ADGRA2: variants seen among roughly 807,000 people sequenced by gnomAD.
ADGRA2 encodes G-protein coupled receptor 124.
ADGRA2 carries 61 observed loss-of-function variants against 98.7 expected under a neutral mutation model. The ratio of observed to expected loss-of-function variants is 0.62; its 90% CI spans 0.50 to 0.76. The LOEUF is 0.76. ADGRA2 is among the 30% of genes least tolerant of loss of function. ADGRA2 has a pLI of 0.00. For missense variants in ADGRA2, 1,712 were observed against 1,860.0 expected (o/e 0.92, Z 1.46); for synonymous variants, 858 against 831.5 (o/e 1.03, Z -0.55).
Position 37,844,304 on chromosome 8 carries a change from CTA to C in ADGRA2, c.*1952_*1953del. Reference sequence around the variant, plus strand: ...ACCAAGGGATGGGAATCTCTCCTACCTATAGTCATCCCTGCACTCCTGACTTT... The same window carrying C: ...ACCAAGGGATGGGAATCTCTCCTACCTAGTCATCCCTGCACTCCTGACTTT... On this transcript the variant is annotated 3_prime_UTR_variant, in exon 19 of 19. Transcript: ENST00000412232. The C allele has an allele frequency of 1.5e-6, 1 of 673,898 alleles. No individual in the cohort carries two copies. The highest frequency in any genetic ancestry group is 2.5e-6 in the Non-Finnish European group (1 of 393,828). The allele number at this position is 673,898 out of a possible 1,614,324, so 41.7% of individuals were successfully genotyped here.
At chr8:37,811,178 T>G (rs892197637) in intron 1 of ADGRA2, among the ~76,000 whole-genome samples, 25 of 147,758 alleles carry the variant, frequency 1.7e-4, no homozygotes, top group Non-Finnish European at 1.8e-4. Flanking sequence ...GTTTTTTTTT[T>G]TTTTTTTTGA....
Position 37,833,690 on chromosome 8 carries a change from G to GC in ADGRA2, c.1302dup (p.Ile435HisfsTer22). The GC allele has an allele frequency of 6.2e-7, 1 of 1,614,018 alleles. No individual in the cohort carries two copies. ...CTCTCTCTTCCCCCAATCCCCAGAT[G>GC]CCCATCAATGCCTCCAATGCGCTGA... is the stretch of plus-strand genomic sequence containing the variant. On this transcript the variant is annotated frameshift_variant, in exon 10 of 19. Coordinates refer to ENST00000412232, the MANE Select transcript of ADGRA2 (RefSeq NM_032777.10). LOFTEE classifies it high-confidence loss of function.
intron 1 of ADGRA2, among the ~76,000 whole-genome samples, chr8:37,811,722 C>T (rs1320795206): frequency 2.0e-5 from 3 of 151,024 alleles, no homozygotes; most frequent in Non-Finnish European, 3.0e-5. Flanking sequence ...GTGATCTGCC[C>T]GCCTCAGCCT....
Position 37,830,994 on chromosome 8 carries a change from C to T in ADGRA2, c.932+71C>T, listed in dbSNP as rs111502620. 4.9e-5 allele frequency: 54 copies of T among 1,112,756 alleles called. No homozygotes were observed. The highest frequency in any genetic ancestry group is 1.5e-4 in the Admixed American group (7 of 47,800). 68.9% of individuals were successfully genotyped at this position (1,112,756 alleles called of 1,614,324 possible). A position where few individuals can be genotyped will look rare whatever the true frequency, so the allele number is the denominator to read the frequency against. On this transcript the variant is annotated intron_variant, in intron 7 of 18. Coordinates refer to ENST00000412232, the MANE Select transcript of ADGRA2 (RefSeq NM_032777.10). This position sits in a 1 kb window ranked among gnomAD's most constrained non-coding sequence, Gnocchi z 4.8. ...GGACCTACCCTACCCGTCACCACCC[C>T]GCAAAAGAGCTGCCCCCAGATGTGT...
At chr8:37,835,850 GC>G in intron 13 of ADGRA2, 80 bp downstream of exon 13, 1 of 861,652 alleles carries the variant, frequency 1.2e-6, no homozygotes, top group Non-Finnish European at 1.9e-6. Context: ...CCCTTCCCTG[GC>G]CCACAGCCCC....
At chr8:37,806,515 TTTTTC>T (rs1804666601) in intron 1 of ADGRA2, among the ~76,000 whole-genome samples, 1 of 133,762 alleles carries the variant, frequency 7.5e-6, no homozygotes, top group Admixed American at 7.2e-5. Context: ...TTCTTTTTCT[TTTTTC>T]TTTTTCTTTT....
At chr8:37,804,472 G>A (rs538032087) in intron 1 of ADGRA2, among the ~76,000 whole-genome samples, 2 of 152,306 alleles carry the variant, frequency 1.3e-5, no homozygotes, top group South Asian at 2.1e-4. Context: ...GAGTTTAAGC[G>A]GCCTGACCCC....
At chr8:37,815,501 T>C (rs1350867464) in intron 2 of ADGRA2, among the ~76,000 whole-genome samples, 1 of 152,206 alleles carries the variant, frequency 6.6e-6, no homozygotes, top group African/African-American at 2.4e-5. Context: ...GCCTTGGCCC[T>C]GAGGCTGCCA....
At chr8:37,825,169 C>T (rs964259367) in intron 2 of ADGRA2, among the ~76,000 whole-genome samples, 2 of 152,174 alleles carry the variant, frequency 1.3e-5, no homozygotes, top group Non-Finnish European at 2.9e-5. Flanking sequence ...GGAAGCATAT[C>T]TGCGCGTGCT....
Position 37,817,273 on chromosome 8 carries a change from G to A in ADGRA2, c.338+2306G>A, listed in dbSNP as rs139414387. Among the ~76,000 whole-genome samples the A allele has an allele frequency of 4.3e-3, 649 of 152,338 alleles. 11 individuals carry two copies. Among genetic ancestry groups the A allele is most frequent in the African/African-American group, 0.015 (609 of 41,578 alleles). On this transcript the variant is annotated intron_variant, in intron 2 of 18. Coordinates refer to ENST00000412232, the MANE Select transcript of ADGRA2 (RefSeq NM_032777.10). ...CAGGCTGTCTACCAATCTGGGACAAGCTGGAGTAGCAGGGCGACCCGGGAT... is the reference window on the plus strand; with the variant it reads ...CAGGCTGTCTACCAATCTGGGACAAACTGGAGTAGCAGGGCGACCCGGGAT...
rs1481106865 is a variant in ADGRA2 at position 37,842,582 on chromosome 8, C to G, written c.*227C>G. 2.8e-6 allele frequency: 2 copies of G among 704,580 alleles called. No individual in the cohort carries two copies. Among genetic ancestry groups the G allele is most frequent in the African/African-American group, 1.9e-5 (1 of 53,752 alleles). The allele number at this position is 704,580 out of a possible 1,614,324, so 43.6% of individuals were successfully genotyped here. A position where few individuals can be genotyped will look rare whatever the true frequency, so the allele number is the denominator to read the frequency against. On this transcript the variant is annotated 3_prime_UTR_variant, in exon 19 of 19. Coordinates refer to ENST00000412232, the MANE Select transcript of ADGRA2 (RefSeq NM_032777.10). ...ACATTTCCGTCCAGCCCGGGGCAGT[C>G]TGACTGTCGGTGCCCTCCCAGGAAC...
At chr8:37,825,242 GACT>G (rs949491852) in intron 2 of ADGRA2, among the ~76,000 whole-genome samples, 6 of 151,982 alleles carry the variant, frequency 3.9e-5, no homozygotes, top group Non-Finnish European at 7.4e-5. Flanking sequence ...TCCAGCAAAG[GACT>G]TCTGTCATTT....
chr8:37,805,873 A>G (rs887243500), intron 1 of ADGRA2, among the ~76,000 whole-genome samples: 1 of 152,054 alleles, frequency 6.6e-6, no homozygotes, highest in Non-Finnish European at 1.5e-5. Flanking sequence ...CTTCTCAAAC[A>G]AAAACAAACA....
At chr8:37,833,659 A>G in intron 9 of ADGRA2, 29 bp from the exon 10 acceptor site, 3 of 1,611,576 alleles carry the variant, frequency 1.9e-6, no homozygotes, top group South Asian at 2.2e-5. Context: ...AACAGGCGAG[A>G]TGATCCTCTC....
intron 2 of ADGRA2, among the ~76,000 whole-genome samples, chr8:37,818,693 G>A (rs753871297): frequency 9.9e-5 from 15 of 152,246 alleles, no homozygotes; most frequent in Non-Finnish European, 2.2e-4. Flanking sequence ...AGGAGATCAG[G>A]TGCCTGCCCT....
intron 1 of ADGRA2, among the ~76,000 whole-genome samples, chr8:37,808,010 G>T (rs1231402165): frequency 6.6e-6 from 1 of 152,186 alleles, no homozygotes; most frequent in Non-Finnish European, 1.5e-5. Flanking sequence ...AGCCCACAGA[G>T]CCTCTCTGTA....
Position 37,828,921 on chromosome 8 carries a change from G to A in ADGRA2, c.372G>A (p.Gln124=). 1 of 1,593,554 alleles carries A rather than the reference G, an allele frequency of 6.3e-7. No individual in the cohort carries two copies. Among genetic ancestry groups the A allele is most frequent in the Non-Finnish European group, 8.5e-7 (1 of 1,170,954 alleles). Residue 124 remains glutamine, a synonymous_variant, in exon 3 of 19, where the codon CAG becomes CAA. Transcript: ENST00000412232. ...GGAACAACATCATCAGCACAGTGCA[G>A]CCGGGCGCCTTCCTGGGCCTGGGGG... ...DLRNNIISTV[Q]PGAFLGLGEL...
chr8:37,841,011 C>T lies in ADGRA2; in HGVS notation c.2748-75C>T, dbSNP rs565277169. The T allele has an allele frequency of 6.4e-6, 9 of 1,405,664 alleles. No homozygotes were observed. The South Asian group carries it at 9.0e-5, about 14-fold the overall frequency. The allele number at this position is 1,405,664 out of a possible 1,614,324, so 87.1% of individuals were successfully genotyped here. On this transcript the variant is annotated intron_variant, in intron 18 of 18. Coordinates refer to ENST00000412232, the MANE Select transcript of ADGRA2 (RefSeq NM_032777.10). This position sits in a 1 kb window ranked among gnomAD's most constrained non-coding sequence, Gnocchi z 5.0. ...TCTCCGTACTCACCATATCCTGTCTCCCCAACCACCCCGGCCCCCAGCCCC... is the reference window on the plus strand; with the variant it reads ...TCTCCGTACTCACCATATCCTGTCTTCCCAACCACCCCGGCCCCCAGCCCC...
In ADGRA2 at chr8:37,797,169, C is replaced by A; in HGVS notation, c.-100C>A. 1.0e-6 allele frequency: 1 copy of A among 969,312 alleles called. No individual in the cohort carries two copies. Among genetic ancestry groups the A allele is most frequent in the Non-Finnish European group, 1.3e-6 (1 of 765,492 alleles). The allele number at this position is 969,312 out of a possible 1,614,324, so 60.0% of individuals were successfully genotyped here. On this transcript the variant is annotated 5_prime_UTR_variant, in exon 1 of 19. Transcript: ENST00000412232. The surrounding 1 kb of genome is among the most constrained non-coding windows in gnomAD (Gnocchi z 5.3). ...GGGCCCCCCTCCACGCCCTCGGGAG[C>A]CCCGGGCCCCCGCTGAGCACTCCTC...
Sources: gnomAD v4.1 joint callset for allele counts (sites outside exome capture counted in the v4.1 genomes callset) on GRCh38, gnomAD v4.1.1 for gene constraint, Gnocchi (gnomAD v3.1) non-coding constraint, MANE v1.5 for transcripts, NCBI Gene and HGNC (gene_info 2026-07-23, HGNC 2026-07-21) for gene names.